RBFOX1: variants seen among roughly 807,000 people sequenced by gnomAD.
RBFOX1 encodes RNA binding protein fox-1 homolog 1.
Under a neutral mutation model 57.7 loss-of-function variants are expected in RBFOX1, and 8 were observed. The ratio of observed to expected loss-of-function variants is 0.14; its 90% CI spans 0.08 to 0.25. The LOEUF is 0.25. Among genes scored for constraint, RBFOX1 ranks in the 10% least tolerant of loss-of-function variants. The pLI is 1.00. For missense variants in RBFOX1, 611 were observed against 548.5 expected (o/e 1.11, Z -1.14); for synonymous variants, 326 against 222.4 (o/e 1.47, Z -4.15).
At chr16:5,472,685 C>T (rs1318455073) in intron 2 of RBFOX1, among the ~76,000 whole-genome samples, 3 of 152,188 alleles carry the variant, frequency 2.0e-5, no homozygotes, top group African/African-American at 7.2e-5. Flanking sequence ...ACAGCGCCTT[C>T]CCTGTTTGAG....
chr16:7,368,131 G>T (rs1036859509), intron 4 of RBFOX1, among the ~76,000 whole-genome samples: 4 of 152,116 alleles, frequency 2.6e-5, no homozygotes, highest in African/African-American at 9.6e-5. Context: ...GGTGGACATG[G>T]TGGCACACAC....
At chr16:7,092,327 C>T (rs1397688842) in intron 4 of RBFOX1, among the ~76,000 whole-genome samples, 3 of 152,188 alleles carry the variant, frequency 2.0e-5, no homozygotes, top group Non-Finnish European at 4.4e-5. Flanking sequence ...ATCTCCATTT[C>T]AGATACATTA....
At chr16:5,575,587 GC>G (rs2046424343) in intron 2 of RBFOX1, among the ~76,000 whole-genome samples, 1 of 152,190 alleles carries the variant, frequency 6.6e-6, no homozygotes, top group African/African-American at 2.4e-5. Flanking sequence ...CACATCCCAT[GC>G]CAGCCAGGGT....
chr16:5,278,473 G>T (rs1375225587), intron 1 of RBFOX1, among the ~76,000 whole-genome samples: 2 of 152,134 alleles, frequency 1.3e-5, no homozygotes, highest in African/African-American at 2.4e-5. Context: ...TCGTCTTCCA[G>T]CGTTTTTATA....
intron 3 of RBFOX1, among the ~76,000 whole-genome samples, chr16:6,970,891 C>G (rs992347922): frequency 6.6e-6 from 1 of 152,190 alleles, no homozygotes; most frequent in Non-Finnish European, 1.5e-5. Flanking sequence ...TGCAGTAAGG[C>G]TCAAAGACCT....
chr16:7,661,553 T>TCCA (rs1334084896), intron 12 of RBFOX1, among the ~76,000 whole-genome samples: 1 of 152,190 alleles, frequency 6.6e-6, no homozygotes, highest in Admixed American at 6.5e-5. Context: ...CGTTCCACAT[T>TCCA]CAGGGCACCT....
intron 2 of RBFOX1, among the ~76,000 whole-genome samples, chr16:6,495,565 T>C (rs147293912): frequency 6.6e-6 from 1 of 152,208 alleles, no homozygotes. Context: ...TAAATGAAAC[T>C]GGGTATATAG....
chr16:6,958,925 A>C (rs1300997093), intron 3 of RBFOX1, among the ~76,000 whole-genome samples: 1 of 152,168 alleles, frequency 6.6e-6, no homozygotes, highest in African/African-American at 2.4e-5. Flanking sequence ...CGTATTCTCC[A>C]TCCTGACATA....
At chr16:5,907,974 C>G (rs1003205920) in intron 4 of RBFOX1, among the ~76,000 whole-genome samples, 3 of 151,768 alleles carry the variant, frequency 2.0e-5, no homozygotes, top group African/African-American at 7.3e-5. Context: ...TGATCTCAAA[C>G]TGCTGACCTC....
At chr16:6,089,322 G>A (rs1368784065) in intron 1 of RBFOX1, among the ~76,000 whole-genome samples, 1 of 152,092 alleles carries the variant, frequency 6.6e-6, no homozygotes, top group African/African-American at 2.4e-5. Context: ...AGATGAACAT[G>A]CATTAGGAGA....
chr16:6,233,718 C>G (rs1353826565), intron 1 of RBFOX1, among the ~76,000 whole-genome samples: 1 of 152,110 alleles, frequency 6.6e-6, no homozygotes, highest in East Asian at 1.9e-4. Flanking sequence ...AAGTGATCCT[C>G]CTGCCTCAGC....
rs74008720 is a variant in RBFOX1, at chr16:7,084,459, T to C, written c.27+32361T>C. On this transcript the variant is annotated intron_variant, in intron 4 of 15. Transcript: ENST00000550418. ...AATTTGCATGGACCTAGTAATGTCT[T>C]ACTTAGAGAGATCCATTCTTTCCTT... Among the ~76,000 whole-genome samples, 1,253 of 152,278 alleles carry C rather than the reference T, an allele frequency of 8.2e-3. 18 individuals are homozygous for C. The highest frequency in any genetic ancestry group is 0.028 in the African/African-American group (1,180 of 41,562).
chr16:6,945,315 C>G (rs527576302), intron 3 of RBFOX1, among the ~76,000 whole-genome samples: 2 of 152,238 alleles, frequency 1.3e-5, no homozygotes, highest in African/African-American at 4.8e-5. Flanking sequence ...GGGTCTCAAA[C>G]GCAGATGCTT....
intron 3 of RBFOX1, among the ~76,000 whole-genome samples, chr16:6,870,696 A>G (rs575214977): frequency 6.6e-6 from 1 of 152,212 alleles, no homozygotes; most frequent in Non-Finnish European, 1.5e-5. Context: ...GCACAGTTTA[A>G]TTATTTGGTT....
intron 1 of RBFOX1, among the ~76,000 whole-genome samples, chr16:6,116,532 G>A (rs1420137158): frequency 2.6e-5 from 4 of 152,188 alleles, no homozygotes; most frequent in Non-Finnish European, 4.4e-5. Context: ...AACCACAACT[G>A]CTGCAGCCAC....
At chr16:6,193,184 A>T (rs1225143430) in intron 1 of RBFOX1, among the ~76,000 whole-genome samples, 1 of 150,154 alleles carries the variant, frequency 6.7e-6, no homozygotes, top group Non-Finnish European at 1.5e-5. Flanking sequence ...TTCTTTGAAA[A>T]CCTCATCCAA....
At chr16:6,155,697 G>T (rs1477779322) in intron 1 of RBFOX1, among the ~76,000 whole-genome samples, 1 of 152,142 alleles carries the variant, frequency 6.6e-6, no homozygotes, top group East Asian at 1.9e-4. Flanking sequence ...CCCAGACTCA[G>T]ACTCCTTGAA....
intron 3 of RBFOX1, among the ~76,000 whole-genome samples, chr16:6,815,238 C>G (rs2089806959): frequency 6.6e-6 from 1 of 152,126 alleles, no homozygotes; most frequent in Non-Finnish European, 1.5e-5. Flanking sequence ...CCAGAGATCA[C>G]TCTCATTGCC....
intron 2 of RBFOX1, among the ~76,000 whole-genome samples, chr16:6,431,584 G>C (rs754097269): frequency 3.3e-5 from 5 of 152,056 alleles, no homozygotes; most frequent in Non-Finnish European, 7.3e-5. Flanking sequence ...GGATTTGAAG[G>C]AAGGTGAGTA....
Sources: gnomAD v4.1 joint callset for allele counts (sites outside exome capture counted in the v4.1 genomes callset) on GRCh38, gnomAD v4.1.1 for gene constraint, MANE v1.5 for transcripts, NCBI Gene and HGNC (gene_info 2026-07-23, HGNC 2026-07-21) for gene names.